Variants in BBS7 observed in about 807,000 individuals in gnomAD.
The protein encoded by BBS7 is BBSome complex member BBS7.
Under a neutral mutation model 90.3 loss-of-function variants are expected in BBS7, and 50 were observed. The observed-to-expected ratio is 0.55, with a 90% CI of 0.44 to 0.70. The LOEUF is 0.70. Among genes scored for constraint, BBS7 ranks in the 30% least tolerant of loss-of-function variants. BBS7 has a pLI of 0.00. For missense variants in BBS7, 729 were observed against 838.9 expected, an observed-to-expected ratio of 0.87 and a Z score of 1.62; for synonymous variants, 235 against 287.4, an observed-to-expected ratio of 0.82 and a Z score of 1.85.
At chr4:121,828,321 G>T (rs1725006272) in intron 17 of BBS7, 52 bp from the exon 18 acceptor site, 2 of 1,590,452 alleles carry the variant, frequency 1.3e-6, no homozygotes, top group African/African-American at 1.3e-5. Context: ...TCAATCCAAT[G>T]TAATGTTAAA....
intron 11 of BBS7, 138 bp downstream of exon 11, chr4:121,845,366 T>G: frequency 2.2e-6 from 1 of 463,826 alleles, no homozygotes. Context: ...AAACTCTGTC[T>G]CAAAAAAATA....
chr4:121,825,782 C>T lies in BBS7; in HGVS notation c.*78G>A. 3 of 1,456,622 alleles carry T rather than the reference C, an allele frequency of 2.1e-6. No individual in the cohort carries two copies. Among genetic ancestry groups the T allele is most frequent in the Non-Finnish European group, 9.5e-7 (1 of 1,052,512 alleles). 90.2% of individuals were successfully genotyped at this position (1,456,622 alleles called of 1,614,324 possible). On this transcript the variant is annotated 3_prime_UTR_variant, in exon 19 of 19. Coordinates refer to ENST00000264499, the MANE Select transcript of BBS7 (RefSeq NM_176824.3). ...AAAGCATTTGAAATTAAAGTACATACACAGTTAACTTCTAATTCTCTTTTA... is the reference window on the plus strand; with the variant it reads ...AAAGCATTTGAAATTAAAGTACATATACAGTTAACTTCTAATTCTCTTTTA...
Position 121,859,108 on chromosome 4 carries a change from G to T in BBS7, c.412C>A (p.Gln138Lys), listed in dbSNP as rs1366190403. Residue 138 changes from glutamine to lysine, a missense_variant, in exon 5 of 19, where the codon CAA becomes AAA. Transcript: ENST00000264499. ...TTATCCCCAGAAAGGTAATAATGTTGGTCTTTGCAGTCACAATAATGGTTA... is the reference window on the plus strand; with the variant it reads ...TTATCCCCAGAAAGGTAATAATGTTTGTCTTTGCAGTCACAATAATGGTTA... ...IYNHYCDCKD[Q>K]HYYLSGDKIN... 6.2e-7 allele frequency: 1 copy of T among 1,613,680 alleles called. No individual in the cohort carries two copies. Among genetic ancestry groups the T allele is most frequent in the Non-Finnish European group, 8.5e-7 (1 of 1,179,762 alleles).
intron 2 of BBS7, among the ~76,000 whole-genome samples, chr4:121,867,604 T>G (rs965993471): frequency 2.6e-5 from 4 of 152,236 alleles, no homozygotes; most frequent in Non-Finnish European, 5.9e-5. Flanking sequence ...TAATCAATAT[T>G]GTTAGTTAAG....
At chr4:121,854,020 A>C (rs1726463509) in intron 7 of BBS7, among the ~76,000 whole-genome samples, 2 of 152,076 alleles carry the variant, frequency 1.3e-5, no homozygotes, top group Admixed American at 1.3e-4. Context: ...TCATATTGCT[A>C]ACTCTTTTTC....
chr4:121,832,059 C>T (rs1725217258), intron 15 of BBS7, among the ~76,000 whole-genome samples: 1 of 143,706 alleles, frequency 7.0e-6, no homozygotes, highest in Non-Finnish European at 1.5e-5. Context: ...AAACAACCTA[C>T]AGGCCAGGTG....
At chr4:121,843,502 T>G (rs902073622) in intron 12 of BBS7, among the ~76,000 whole-genome samples, 3 of 152,200 alleles carry the variant, frequency 2.0e-5, no homozygotes. Context: ...GGCTGAACAT[T>G]CCCAAACTGA....
At chr4:121,868,293 T>C (rs1401525466) in intron 1 of BBS7, among the ~76,000 whole-genome samples, 1 of 152,196 alleles carries the variant, frequency 6.6e-6, no homozygotes, top group African/African-American at 2.4e-5. Context: ...CAAGATGCTT[T>C]ACTAAAAAAT....
intron 4 of BBS7, among the ~76,000 whole-genome samples, chr4:121,859,778 G>T (rs1037740668): frequency 6.6e-6 from 1 of 151,860 alleles, no homozygotes; most frequent in South Asian, 2.1e-4. Context: ...GAAAAAAAAA[G>T]ATTTCATTAG....
chr4:121,851,409 AGGAAGGAG>A (rs1302361571), intron 8 of BBS7, among the ~76,000 whole-genome samples: 44 of 136,780 alleles, frequency 3.2e-4, no homozygotes, highest in East Asian at 1.6e-3. Context: ...GAAAAAAGGA[AGGAAGGAG>A]GGAAGGAGGG....
At chr4:121,831,636 T>C (rs1211893580) in intron 15 of BBS7, among the ~76,000 whole-genome samples, 1 of 152,160 alleles carries the variant, frequency 6.6e-6, no homozygotes, top group Non-Finnish European at 1.5e-5. Flanking sequence ...GTGAGGTTCA[T>C]TGTGGTACTT....
chr4:121,863,978 G>A (rs562054045), intron 2 of BBS7, among the ~76,000 whole-genome samples: 28 of 152,266 alleles, frequency 1.8e-4, no homozygotes, highest in Middle Eastern at 6.8e-3. Flanking sequence ...GGTGAGCAGC[G>A]GGAAAGTGAT....
Position 121,825,991 on chromosome 4 carries a change from T to A in BBS7, c.2017A>T (p.Met673Leu), listed in dbSNP as rs1436556570. 3.1e-6 allele frequency: 5 copies of A among 1,595,596 alleles called. No homozygotes were observed. Among genetic ancestry groups the A allele is most frequent in the Non-Finnish European group, 3.4e-6 (4 of 1,165,118 alleles). The change falls in exon 19 of 19, where the codon ATG becomes TTG. Residue 673 changes from methionine (M) to leucine (L), a missense_variant and splice_region_variant. Physicochemically the swap from Met to Leu is conservative, Grantham distance 15. Transcript: ENST00000264499. ...QPAHLERLYGMITDLFIDKFK... is the reference protein window; with the variant it reads ...QPAHLERLYGLITDLFIDKFK... ...TTATCTATGAAAAGATCAGTGATCA[T>A]GCCTTTAAAGAAAAAACATAAATTT... is the stretch of plus-strand genomic sequence containing the variant.
intron 2 of BBS7, among the ~76,000 whole-genome samples, chr4:121,865,074 A>G (rs1015430264): frequency 1.6e-4 from 25 of 151,902 alleles, no homozygotes; most frequent in African/African-American, 6.0e-4. Context: ...AGCCTCTAGT[A>G]TTCTCTGTCC....
chr4:121,844,936 T>G (rs1415552015), intron 11 of BBS7, among the ~76,000 whole-genome samples: 1 of 152,234 alleles, frequency 6.6e-6, no homozygotes, highest in Non-Finnish European at 1.5e-5. Context: ...AAAACCTTAC[T>G]GTCTTTTCTA....
chr4:121,836,487 G>C (rs1437984847), intron 13 of BBS7, among the ~76,000 whole-genome samples: 1 of 152,036 alleles, frequency 6.6e-6, no homozygotes, highest in Non-Finnish European at 1.5e-5. Context: ...TCAGCATTTT[G>C]TGTGTTTTAT....
At position 121,825,067 on chromosome 4, in the gene BBS7, T is replaced by A. The variant is rs1197957816; in HGVS notation, c.*793A>T. Reference sequence around the variant, plus strand: ...GGAAAATCTAAGATGGCATCACTATTTCTGCACTCTTCACTTGAAGCACGC... The same window carrying A: ...GGAAAATCTAAGATGGCATCACTATATCTGCACTCTTCACTTGAAGCACGC... On this transcript the variant is annotated 3_prime_UTR_variant, in exon 19 of 19. Transcript: ENST00000264499. 6.6e-6 allele frequency: 1 copy of A among 152,196 alleles called. No individual in the cohort carries two copies. Among genetic ancestry groups the A allele is most frequent in the Non-Finnish European group, 1.5e-5 (1 of 68,028 alleles). The allele number at this position is 152,196 out of a possible 1,614,324, so 9.4% of individuals were successfully genotyped here. A position where few individuals can be genotyped will look rare whatever the true frequency, so the allele number is the denominator to read the frequency against.
intron 3 of BBS7, among the ~76,000 whole-genome samples, chr4:121,862,380 GAT>G (rs1368518723): frequency 1.3e-5 from 2 of 152,034 alleles, no homozygotes; most frequent in Non-Finnish European, 2.9e-5. Flanking sequence ...CAGAGAATAA[GAT>G]ATCTGGGAGA....
intron 11 of BBS7, among the ~76,000 whole-genome samples, chr4:121,844,383 A>C (rs1274465965): frequency 6.6e-6 from 1 of 152,180 alleles, no homozygotes; most frequent in Non-Finnish European, 1.5e-5. Flanking sequence ...TTTTACCTGT[A>C]ACACAGAAAG....
Sources: allele counts gnomAD v4.1 joint callset (sites outside exome capture counted in the v4.1 genomes callset), GRCh38; gene constraint gnomAD v4.1.1; transcripts MANE v1.5; gene names NCBI Gene and HGNC (gene_info 2026-07-23, HGNC 2026-07-21).